NEB: variants seen among roughly 807,000 people sequenced by gnomAD.
NEB encodes nebulin, also known as nemaline myopathy type 2.
In NEB, 512 loss-of-function variants were observed where a neutral mutation model predicts 952.2. That is an observed-to-expected ratio of 0.54 (90% CI 0.50 to 0.58). NEB has a LOEUF of 0.58. NEB is among the 20% of genes least tolerant of loss of function. The pLI, the probability that NEB is intolerant of heterozygous loss-of-function variation, is 0.00. For synonymous variants in NEB, 2,900 were observed against 3,149.8 expected (o/e 0.92, Z 2.66); for missense variants, 8,428 against 9,231.1 (o/e 0.91, Z 3.56).
chr2:151,657,921 A>C, intron 48 of NEB, 62 bp downstream of exon 48: 1 of 1,157,344 alleles, frequency 8.6e-7, no homozygotes, highest in Non-Finnish European at 1.3e-6. Flanking sequence ...TCCAGAACTC[A>C]GCCCTTATTA....
At position 151,719,379 on chromosome 2, in the gene NEB, A is replaced by T. The variant is rs546268078; in HGVS notation, c.718-1859T>A. Among the ~76,000 whole-genome samples the T allele has an allele frequency of 3.9e-5, 6 of 152,320 alleles. No individual in the cohort carries two copies. The South Asian group carries it at 6.2e-4, about 16-fold the overall frequency. ...ACGATTATTTTCCCTTCCTCATGGC[A>T]GTGTTCTTATTTATCAAGTAAAGCA... On this transcript the variant is annotated intron_variant, in intron 9 of 181. Coordinates refer to ENST00000397345, the MANE Select transcript of NEB (RefSeq NM_001164508.2).
rs779175156 is a variant in NEB, at chr2:151,529,350, T to C, written c.21631-36A>G. 2.3e-6 allele frequency: 3 copies of C among 1,330,716 alleles called. No individual in the cohort carries two copies. The African/African-American group carries it at 4.3e-5, about 19-fold the overall frequency. The allele number at this position is 1,330,716 out of a possible 1,614,324, so 82.4% of individuals were successfully genotyped here. ...AAACACAGTGACAAGATTAATTTTT[T>C]TATAGCAGCATACTGAGCATCTTAA... On this transcript the variant is annotated intron_variant, in intron 145 of 181. Coordinates refer to ENST00000397345, the MANE Select transcript of NEB (RefSeq NM_001164508.2).
chr2:151,664,512 T>A lies in NEB; in HGVS notation c.5440A>T (p.Ile1814Phe). The A allele has an allele frequency of 6.3e-7, 1 of 1,586,466 alleles. No individual in the cohort carries two copies. The highest frequency in any genetic ancestry group is 1.2e-5 in the South Asian group (1 of 84,828). ...AIKAARASRD[I>F]ASDYKYKKAY... ...GTGCAAGCACTTACATCACTGGCAA[T>A]GTCTCTAGAGGCTCTTGCAGCCTTT... is the stretch of plus-strand genomic sequence containing the variant. Residue 1814 changes from isoleucine to phenylalanine, a missense_variant, in exon 44 of 182, where the codon ATT (isoleucine) becomes TTT (phenylalanine). Physicochemically the swap from Ile to Phe is conservative, Grantham distance 21. Coordinates refer to ENST00000397345, the MANE Select transcript of NEB (RefSeq NM_001164508.2).
intron 105 of NEB, among the ~76,000 whole-genome samples, chr2:151,576,910 A>G (rs1398648077): frequency 6.6e-6 from 1 of 152,118 alleles, no homozygotes; most frequent in Non-Finnish European, 1.5e-5. Flanking sequence ...CAAATGCACA[A>G]TGGCATTTCA....
chr2:151,594,918 C>A (rs2097379939), intron 92 of NEB, among the ~76,000 whole-genome samples: 1 of 31,480 alleles, frequency 3.2e-5, no homozygotes, highest in Non-Finnish European at 5.7e-5. Flanking sequence ...GGATGGAAAG[C>A]AAGGCTGTGG....
rs2099172407 is a variant in NEB, at chr2:151,663,748, C to G, written c.5563G>C (p.Asp1855His). Residue 1855 changes from aspartate to histidine, a missense_variant, in exon 45 of 182, where the codon GAC (aspartate) becomes CAC (histidine). This residue lies in a region of NEB where 2,851 missense variants were observed against 2,791.5 expected (regional missense o/e 1.02). Transcript: ENST00000397345. ...HFMQVAKMQS[D>H]REYKKGYEKS... ...TCATATCCCTTCTTGTATTCCCGGT[C>G]TGACTGCATCTTGGCCACTTGCATG... 1 of 1,613,814 alleles carries G rather than the reference C, an allele frequency of 6.2e-7. No homozygotes were observed. Among genetic ancestry groups the G allele is most frequent in the South Asian group, 1.1e-5 (1 of 91,074 alleles).
At chr2:151,707,287 T>A (rs1204635899) in intron 12 of NEB, among the ~76,000 whole-genome samples, 1 of 152,062 alleles carries the variant, frequency 6.6e-6, no homozygotes, top group South Asian at 2.1e-4. Context: ...GTCCTTGCCC[T>A]CAAAGAGAGA....
chr2:151,561,300 C>T lies in NEB; in HGVS notation c.19009G>A (p.Ala6337Thr), dbSNP rs767717094. ...TTTTGTAGATTTTCTTTACCTGCTG[C>T]TGTATATTGTAGCTGTGAAGAAAAA... is the stretch of plus-strand genomic sequence containing the variant. Reference protein sequence around the residue: ...YDLQSQLQYTAAGKENLQNYN... With the variant: ...YDLQSQLQYTTAGKENLQNYN... The change falls in exon 122 of 182, where the codon GCA becomes ACA. Residue 6337 changes from alanine (A) to threonine (T), a missense_variant. Transcript: ENST00000397345. 3 of 1,594,890 alleles carry T rather than the reference C, an allele frequency of 1.9e-6. No homozygotes were observed. Among genetic ancestry groups the T allele is most frequent in the South Asian group, 2.3e-5 (2 of 88,402 alleles).
At chr2:151,612,769 C>G (rs1289344916) in intron 77 of NEB, among the ~76,000 whole-genome samples, 1 of 152,148 alleles carries the variant, frequency 6.6e-6, no homozygotes, top group Admixed American at 6.5e-5. Flanking sequence ...TAGGCAGTGG[C>G]CTTCATAGCT....
At chr2:151,720,815 AC>A (rs770636824) in intron 9 of NEB, among the ~76,000 whole-genome samples, 3 of 151,680 alleles carry the variant, frequency 2.0e-5, no homozygotes, top group Non-Finnish European at 4.4e-5. Context: ...TTGGCCATGC[AC>A]TCTTCTGCTT....
At chr2:151,640,800 A>G (rs895062227) in intron 60 of NEB, 134 bp from the exon 61 acceptor site, 26 of 776,128 alleles carry the variant, frequency 3.3e-5, no homozygotes, top group Non-Finnish European at 4.5e-5. Context: ...TGTAGAAACA[A>G]TTTAGAAAAT....
At position 151,733,766 on chromosome 2, in the gene NEB, T is replaced by C. The variant is rs1433505661; in HGVS notation, c.-84A>G. ...AACACCATTGGCTTATACAGACTTT[T>C]TCTTTCGTTTCTGTAGCTCTCGTTC... On this transcript the variant is annotated 5_prime_UTR_variant, in exon 2 of 182. Transcript: ENST00000397345. 2 of 152,220 alleles carry C rather than the reference T, an allele frequency of 1.3e-5. No homozygotes were observed. Among genetic ancestry groups the C allele is most frequent in the East Asian group, 3.8e-4 (2 of 5,202 alleles). The allele number at this position is 152,220 out of a possible 1,614,324, so 9.4% of individuals were successfully genotyped here. A position where few individuals can be genotyped will look rare whatever the true frequency, so the allele number is the denominator to read the frequency against.
At chr2:151,505,199 C>T (rs562819573) in intron 165 of NEB, among the ~76,000 whole-genome samples, 2 of 152,226 alleles carry the variant, frequency 1.3e-5, no homozygotes, top group African/African-American at 2.4e-5. Flanking sequence ...ACTTTGGAAA[C>T]GAATGGCATG....
At chr2:151,643,793 G>T in intron 57 of NEB, 25 bp downstream of exon 57, 4 of 1,603,754 alleles carry the variant, frequency 2.5e-6, no homozygotes, top group Non-Finnish European at 3.4e-6. Flanking sequence ...ATGTTTTGTT[G>T]GCCAAAGGAA....
intron 10 of NEB, among the ~76,000 whole-genome samples, chr2:151,711,181 A>G (rs1477956145): frequency 6.6e-6 from 1 of 152,198 alleles, no homozygotes. Context: ...TGCAGCACAC[A>G]GAAGTTACAT....
intron 10 of NEB, among the ~76,000 whole-genome samples, chr2:151,715,947 T>C (rs1252003184): frequency 2.0e-5 from 3 of 152,210 alleles, no homozygotes; most frequent in African/African-American, 4.8e-5. Context: ...CCCCACTGCA[T>C]ATTTAAATAA....
In NEB at chr2:151,503,276, C is replaced by G. The variant is rs1260571297; in HGVS notation, c.23835+73G>C. On this transcript the variant is annotated intron_variant, in intron 166 of 181. Transcript: ENST00000397345. ...AGAATTGCTGTTAAGATGTTACTTT[C>G]TTTAAAAAAGATGGGTTATTGTGGT... 2.6e-6 allele frequency: 3 copies of G among 1,146,072 alleles called. No individual in the cohort carries two copies. The African/African-American group carries it at 4.7e-5, about 18-fold the overall frequency. 71.0% of individuals were successfully genotyped at this position (1,146,072 alleles called of 1,614,324 possible).
At position 151,658,591 on chromosome 2, in the gene NEB, G is replaced by GA. The variant is rs201577560; in HGVS notation, c.6075+473dup. Among the ~76,000 whole-genome samples, 865 of 152,246 alleles carry GA rather than the reference G, an allele frequency of 5.7e-3. 8 individuals are homozygous for GA. Among genetic ancestry groups the GA allele is most frequent in the African/African-American group, 0.019 (805 of 41,544 alleles). ...ATTTCCTAGCAACTATGATTAGGATGAAAAAGGAAATGAAATAAAATATCA... is the reference window on the plus strand; with the variant it reads ...ATTTCCTAGCAACTATGATTAGGATGAAAAAAGGAAATGAAATAAAATATCA... On this transcript the variant is annotated intron_variant, in intron 47 of 181. Transcript: ENST00000397345.
Position 151,675,287 on chromosome 2 carries a change from G to A in NEB, c.3879C>T (p.Asp1293=), listed in dbSNP as rs371175998. 16 of 1,561,670 alleles carry A rather than the reference G, an allele frequency of 1.0e-5. No individual in the cohort carries two copies. Among genetic ancestry groups the A allele is most frequent in the East Asian group, 2.3e-5 (1 of 43,982 alleles). ...ACATCCCAGCAAAGACCCTACTTACGTCACTTATATTGTAAGCATTGCACT... is the reference window on the plus strand; with the variant it reads ...ACATCCCAGCAAAGACCCTACTTACATCACTTATATTGTAAGCATTGCACT... ...QAKCNAYNIS[D]VCYKRDWYDL... is the part of the protein sequence containing the mutation. Residue 1293 remains aspartate, a splice_region_variant and synonymous_variant, in exon 35 of 182, where the codon GAC becomes GAT. Transcript: ENST00000397345.
Sources: allele counts gnomAD v4.1 joint callset (sites outside exome capture counted in the v4.1 genomes callset), GRCh38; gene constraint gnomAD v4.1.1; regional missense constraint gnomAD v4.1.1; transcripts MANE v1.5; gene names NCBI Gene and HGNC (gene_info 2026-07-23, HGNC 2026-07-21).